SH3GL2: variants seen among roughly 807,000 people sequenced by gnomAD.
The protein encoded by SH3GL2 is SH3 domain containing GRB2 like 2, endophilin A1.
In SH3GL2, 24 loss-of-function variants were observed where a neutral mutation model predicts 46.0. The observed-to-expected ratio is 0.52, with a 90% CI of 0.38 to 0.73. SH3GL2 has a LOEUF of 0.73. Ranked by LOEUF, SH3GL2 falls within the 30% of genes least tolerant of loss-of-function variation. SH3GL2 has a pLI of 0.00. For synonymous variants in SH3GL2, 196 were observed against 147.1 expected (o/e 1.33, Z -2.40); for missense variants, 413 against 424.2 (o/e 0.97, Z 0.23).
At chr9:17,640,461 T>TA (rs1378080777) in intron 1 of SH3GL2, among the ~76,000 whole-genome samples, 1 of 152,058 alleles carries the variant, frequency 6.6e-6, no homozygotes, top group Non-Finnish European at 1.5e-5. Flanking sequence ...TGGGACACAT[T>TA]TTTTTTGTTT....
At chr9:17,619,925 C>G (rs1819098763) in intron 1 of SH3GL2, among the ~76,000 whole-genome samples, 1 of 152,086 alleles carries the variant, frequency 6.6e-6, no homozygotes, top group South Asian at 2.1e-4. Flanking sequence ...TGTCATCAGC[C>G]TGGAGTGTTA....
At chr9:17,603,583 G>A (rs148040407) in intron 1 of SH3GL2, among the ~76,000 whole-genome samples, 1 of 152,220 alleles carries the variant, frequency 6.6e-6, no homozygotes, top group East Asian at 1.9e-4. Flanking sequence ...ATACACGGCT[G>A]GGCGTGGTGG....
At chr9:17,761,218 A>G (rs1231023301) in intron 2 of SH3GL2, among the ~76,000 whole-genome samples, 3 of 152,154 alleles carry the variant, frequency 2.0e-5, no homozygotes, top group Non-Finnish European at 4.4e-5. Context: ...GGAAACTACA[A>G]GCTTCTTCTT....
intron 2 of SH3GL2, among the ~76,000 whole-genome samples, chr9:17,756,308 TTTC>T (rs1822987033): frequency 6.6e-6 from 1 of 152,154 alleles, no homozygotes; most frequent in African/African-American, 2.4e-5. Flanking sequence ...ACAGTTTCAC[TTTC>T]TTTTTTTTAT....
intron 5 of SH3GL2, among the ~76,000 whole-genome samples, chr9:17,788,622 G>A (rs1484262911): frequency 1.3e-5 from 2 of 152,110 alleles, no homozygotes; most frequent in Non-Finnish European, 2.9e-5. Flanking sequence ...GAGATGATGG[G>A]TGGAGCCTGG....
intron 1 of SH3GL2, among the ~76,000 whole-genome samples, chr9:17,673,971 T>C (rs1238760086): frequency 6.6e-6 from 1 of 152,198 alleles, no homozygotes; most frequent in African/African-American, 2.4e-5. Context: ...AATTCATCTT[T>C]AAGCTCCTTG....
chr9:17,697,749 A>AT (rs1290272346), intron 1 of SH3GL2, among the ~76,000 whole-genome samples: 2 of 152,216 alleles, frequency 1.3e-5, no homozygotes, highest in Non-Finnish European at 2.9e-5. Context: ...ACCAAGGAAT[A>AT]TTTAAACTGT....
chr9:17,656,868 A>G lies in SH3GL2; in HGVS notation c.45+77581A>G, dbSNP rs79964062. 3.8e-3 allele frequency among the ~76,000 whole-genome samples: 579 copies of G among 151,644 alleles called. 16 individuals carry two copies. In the East Asian group the frequency reaches 0.071, roughly 19 times the overall value. On this transcript the variant is annotated intron_variant, in intron 1 of 8. Coordinates refer to ENST00000380607, the MANE Select transcript of SH3GL2 (RefSeq NM_003026.5). Reference sequence around the variant, plus strand: ...TGACACGTTAAAGTGTACACAATTTAGGAAAATGGGATTAAAAATCCAGAA... The same window carrying G: ...TGACACGTTAAAGTGTACACAATTTGGGAAAATGGGATTAAAAATCCAGAA...
intron 3 of SH3GL2, among the ~76,000 whole-genome samples, chr9:17,766,644 A>C (rs1232108092): frequency 6.6e-6 from 1 of 152,226 alleles, no homozygotes; most frequent in Non-Finnish European, 1.5e-5. Flanking sequence ...CCAAAATATT[A>C]ACCACTATTA....
intron 1 of SH3GL2, among the ~76,000 whole-genome samples, chr9:17,657,918 T>C (rs938683571): frequency 1.3e-5 from 2 of 152,186 alleles, no homozygotes; most frequent in African/African-American, 4.8e-5. Flanking sequence ...GATACTCATT[T>C]TGTGGTACCC....
rs1462099808 is a variant in SH3GL2, at chr9:17,795,730, C to T, written c.1046C>T (p.Ala349Val). Residue 349 changes from alanine to valine, a missense_variant, in exon 9 of 9, where the codon GCC (alanine) becomes GTC (valine). Around this residue, in one of 3 missense-constraint regions of SH3GL2, gnomAD observed 248 missense variants for 215.0 expected, o/e 1.15. Coordinates refer to ENST00000380607, the MANE Select transcript of SH3GL2 (RefSeq NM_003026.5). ...FPINYVEILV[A>V]LPH The stretch of plus-strand genomic sequence containing the variant: ...ATCAATTATGTGGAAATTCTGGTTG[C>T]CCTGCCCCATTAGGATGTTATGCTG... The T allele has an allele frequency of 1.2e-6, 2 of 1,613,324 alleles. No homozygotes were observed. The highest frequency in any genetic ancestry group is 1.3e-5 in the African/African-American group (1 of 74,914).
chr9:17,733,782 A>G (rs1414378402), intron 1 of SH3GL2, among the ~76,000 whole-genome samples: 4 of 152,116 alleles, frequency 2.6e-5, no homozygotes, highest in Non-Finnish European at 2.9e-5. Flanking sequence ...ATGGAATACT[A>G]TGCAGCTATA....
At chr9:17,605,236 C>A (rs1467671783) in intron 1 of SH3GL2, among the ~76,000 whole-genome samples, 1 of 152,066 alleles carries the variant, frequency 6.6e-6, no homozygotes, top group East Asian at 1.9e-4. Context: ...GTCTTGGCCT[C>A]CCAAACTACT....
chr9:17,738,545 A>C (rs10963241), intron 1 of SH3GL2, among the ~76,000 whole-genome samples: 1 of 107,360 alleles, frequency 9.3e-6, no homozygotes, highest in Admixed American at 9.2e-5. Context: ...TATATACATA[A>C]GTGTGTGTGT....
At chr9:17,765,373 G>C (rs1302008191) in intron 3 of SH3GL2, among the ~76,000 whole-genome samples, 1 of 152,228 alleles carries the variant, frequency 6.6e-6, no homozygotes, top group Non-Finnish European at 1.5e-5. Flanking sequence ...TGGGGGTGTG[G>C]AGCTTACACA....
At chr9:17,757,482 A>G (rs945358713) in intron 2 of SH3GL2, among the ~76,000 whole-genome samples, 2 of 152,206 alleles carry the variant, frequency 1.3e-5, no homozygotes, top group African/African-American at 4.8e-5. Context: ...AACCCCATCA[A>G]AAAGTGGGCG....
rs751604440 is a variant in SH3GL2, at chr9:17,635,121, G to A, written c.45+55834G>A. 2.0e-5 allele frequency among the ~76,000 whole-genome samples: 3 copies of A among 151,956 alleles called. No individual in the cohort carries two copies. The East Asian group carries it at 5.8e-4, about 29-fold the overall frequency. The stretch of plus-strand genomic sequence containing the variant: ...TAGTACCCATTAGTTATTTTTCCTG[G>A]ATCTTCTCCCTGCCCACACCTACCA... On this transcript the variant is annotated intron_variant, in intron 1 of 8. Coordinates refer to ENST00000380607, the MANE Select transcript of SH3GL2 (RefSeq NM_003026.5).
At chr9:17,668,977 C>A (rs1425499415) in intron 1 of SH3GL2, among the ~76,000 whole-genome samples, 2 of 152,180 alleles carry the variant, frequency 1.3e-5, no homozygotes, top group African/African-American at 4.8e-5. Flanking sequence ...TATTAAAAAT[C>A]CATTTCACTC....
intron 1 of SH3GL2, among the ~76,000 whole-genome samples, chr9:17,665,433 A>G (rs937450850): frequency 1.3e-5 from 2 of 152,126 alleles, no homozygotes; most frequent in African/African-American, 2.4e-5. Context: ...TGATGAGTAC[A>G]GGCAAATTAT....
Sources: gnomAD v4.1 joint callset for allele counts (sites outside exome capture counted in the v4.1 genomes callset) on GRCh38, gnomAD v4.1.1 for gene constraint, gnomAD v4.1.1 regional missense constraint, MANE v1.5 for transcripts, NCBI Gene and HGNC (gene_info 2026-07-23, HGNC 2026-07-21) for gene names.